Variants in STPG2 observed in about 807,000 individuals in gnomAD.
STPG2 encodes sperm tail PG-rich repeat containing 2.
Under a neutral mutation model 54.2 loss-of-function variants are expected in STPG2, and 56 were observed. The ratio of observed to expected loss-of-function variants is 1.03; its 90% CI spans 0.83 to 1.29. STPG2 has a LOEUF of 1.29. STPG2 is among the 50% of genes most tolerant of loss of function. The probability of loss-of-function intolerance (pLI) is 0.00; values close to 1 mark genes in which losing one functional copy is unlikely to be tolerated. For missense variants in STPG2, 596 were observed against 544.9 expected (o/e 1.09, Z -0.93); for synonymous variants, 200 against 181.8 (o/e 1.10, Z -0.81).
intron 4 of STPG2, among the ~76,000 whole-genome samples, chr4:97,486,128 AC>A (rs1451813938): frequency 1.3e-5 from 2 of 151,778 alleles, no homozygotes; most frequent in Non-Finnish European, 2.9e-5. Flanking sequence ...GGATTTTATG[AC>A]CAAGAACCCC....
At chr4:97,642,042 T>C (rs74963790) in intron 10 of STPG2, among the ~76,000 whole-genome samples, 6,045 of 151,600 alleles carry the variant, frequency 0.04, 192 homozygotes, top group Non-Finnish European at 0.064. Context: ...ATAAAGTTGT[T>C]TTCTCTCCAA....
At chr4:97,997,540 C>T (rs1350169510) in intron 5 of STPG2, among the ~76,000 whole-genome samples, 1 of 152,196 alleles carries the variant, frequency 6.6e-6, no homozygotes, top group African/African-American at 2.4e-5. Flanking sequence ...ATGATTCAAT[C>T]ACCTCCCACC....
At position 97,832,413 on chromosome 4, in the gene STPG2, T is replaced by C. The variant is rs950965698; in HGVS notation, c.1204+8360A>G. On this transcript the variant is annotated intron_variant, in intron 9 of 10. Coordinates refer to ENST00000295268, the MANE Select transcript of STPG2 (RefSeq NM_174952.3). ...GACCAACCCACAGCCAGTATCATGCTGAATGGGCAAAAACTGGAAGCATTC... is the reference window on the plus strand; with the variant it reads ...GACCAACCCACAGCCAGTATCATGCCGAATGGGCAAAAACTGGAAGCATTC... Among the ~76,000 whole-genome samples the C allele has an allele frequency of 4.7e-4, 71 of 152,344 alleles. 1 individual carries two copies. Among genetic ancestry groups the C allele is most frequent in the Admixed American group, 4.6e-3 (70 of 15,300 alleles).
chr4:97,976,150 AT>A (rs764508416), intron 6 of STPG2, among the ~76,000 whole-genome samples: 7 of 152,300 alleles, frequency 4.6e-5, no homozygotes, highest in Non-Finnish European at 8.8e-5. Flanking sequence ...TTCCCTAAAA[AT>A]ATCTACAAAA....
intron 8 of STPG2, among the ~76,000 whole-genome samples, chr4:97,877,733 A>G (rs1014320587): frequency 1.3e-5 from 2 of 152,110 alleles, no homozygotes; most frequent in African/African-American, 4.8e-5. Flanking sequence ...GGACACAGCC[A>G]AACTATATCA....
chr4:97,995,131 A>C (rs1735160080), intron 5 of STPG2, among the ~76,000 whole-genome samples: 1 of 150,904 alleles, frequency 6.6e-6, no homozygotes, highest in Non-Finnish European at 1.5e-5. Flanking sequence ...TGCTGCCTGC[A>C]CCCCGAAAGG....
At chr4:98,003,992 C>T (rs1339444728) in intron 5 of STPG2, among the ~76,000 whole-genome samples, 1 of 151,316 alleles carries the variant, frequency 6.6e-6, no homozygotes, top group African/African-American at 2.4e-5. Flanking sequence ...CCTCACATAA[C>T]TACGTGTGTG....
intron 7 of STPG2, among the ~76,000 whole-genome samples, chr4:97,963,362 C>T (rs1364104638): frequency 1.3e-5 from 2 of 151,636 alleles, no homozygotes; most frequent in South Asian, 2.1e-4. Context: ...ATGTTTTTTA[C>T]CACAAAAATA....
chr4:98,058,281 G>T (rs1362397883), intron 5 of STPG2, among the ~76,000 whole-genome samples: 1 of 152,164 alleles, frequency 6.6e-6, no homozygotes, highest in East Asian at 1.9e-4. Context: ...AAATAAAAAA[G>T]CAAGATCCAT....
chr4:98,068,757 T>G (rs1488230588), intron 5 of STPG2, among the ~76,000 whole-genome samples: 3 of 152,016 alleles, frequency 2.0e-5, no homozygotes, highest in Non-Finnish European at 2.9e-5. Flanking sequence ...AGAGTGTACT[T>G]ACACAAACCA....
intron 5 of STPG2, among the ~76,000 whole-genome samples, chr4:98,039,327 G>A (rs969778318): frequency 2.0e-5 from 2 of 99,018 alleles, no homozygotes; most frequent in African/African-American, 8.2e-5. Flanking sequence ...AATCCCCCGT[G>A]GGAGAAAAAA....
intron 1 of STPG2, among the ~76,000 whole-genome samples, chr4:98,140,220 G>A (rs1740243249): frequency 6.6e-6 from 1 of 152,176 alleles, no homozygotes; most frequent in Non-Finnish European, 1.5e-5. Context: ...TAGGAAAACT[G>A]TAAAGTTGAA....
intron 9 of STPG2, among the ~76,000 whole-genome samples, chr4:97,797,660 G>A (rs926978324): frequency 6.6e-6 from 1 of 152,094 alleles, no homozygotes; most frequent in Non-Finnish European, 1.5e-5. Context: ...TTTTTTTGTT[G>A]TGTCTTTTCC....
intron 9 of STPG2, among the ~76,000 whole-genome samples, chr4:97,714,013 A>G (rs1016218621): frequency 9.2e-5 from 14 of 152,138 alleles, no homozygotes; most frequent in African/African-American, 3.4e-4. Flanking sequence ...AATGGTAGTG[A>G]ATGAAATTAG....
At position 98,068,492 on chromosome 4, in the gene STPG2, G is replaced by A. The variant is rs117299354; in HGVS notation, c.612+37461C>T. Among the ~76,000 whole-genome samples, 293 of 152,154 alleles carry A rather than the reference G, an allele frequency of 1.9e-3. 3 individuals carry two copies. The East Asian group carries it at 0.037, about 19-fold the overall frequency. On this transcript the variant is annotated intron_variant, in intron 5 of 10. Transcript: ENST00000295268. Reference sequence around the variant, plus strand: ...TGTTGAATAAATTATTGAATGAAACGCAAGTATTTAAAAATGACCACTAAT... The same window carrying A: ...TGTTGAATAAATTATTGAATGAAACACAAGTATTTAAAAATGACCACTAAT...
intron 9 of STPG2, among the ~76,000 whole-genome samples, chr4:97,813,016 T>C (rs1362710652): frequency 2.0e-5 from 3 of 152,132 alleles, no homozygotes; most frequent in Admixed American, 2.0e-4. Context: ...CTCATTTCCA[T>C]ACACATACAA....
chr4:97,970,483 C>G (rs1439116155), intron 7 of STPG2, among the ~76,000 whole-genome samples: 1 of 152,130 alleles, frequency 6.6e-6, no homozygotes, highest in Admixed American at 6.5e-5. Flanking sequence ...TGGAACAGAA[C>G]AGAGCCCTCA....
intron 9 of STPG2, among the ~76,000 whole-genome samples, chr4:97,713,875 T>C (rs992546218): frequency 6.6e-6 from 1 of 152,142 alleles, no homozygotes; most frequent in Admixed American, 6.6e-5. Flanking sequence ...AACAATACTA[T>C]TGAGTGTCTA....
Position 97,454,376 on chromosome 4 carries a change from G to A in STPG2, c.462+258323C>T, listed in dbSNP as rs1051926654. Among the ~76,000 whole-genome samples the A allele has an allele frequency of 5.3e-5, 8 of 150,246 alleles. No homozygotes were observed. The South Asian group carries it at 8.4e-4, about 16-fold the overall frequency. Reference sequence around the variant, plus strand: ...AAAATACAAAAAATTAGCCGGGCGCGGTGGCGGGCGCCTGTAGTCCCAGCT... The same window carrying A: ...AAAATACAAAAAATTAGCCGGGCGCAGTGGCGGGCGCCTGTAGTCCCAGCT... On this transcript the variant is annotated intron_variant, in intron 4 of 4. Transcript: ENST00000522676.
Sources: allele counts gnomAD v4.1 joint callset (sites outside exome capture counted in the v4.1 genomes callset), GRCh38; gene constraint gnomAD v4.1.1; transcripts MANE v1.5; gene names NCBI Gene and HGNC (gene_info 2026-07-23, HGNC 2026-07-21).